Variants in HDX observed in about 807,000 individuals in gnomAD.
HDX encodes chromosome X open reading frame 43.
A neutral mutation model predicts 45.2 loss-of-function variants in HDX; 19 were observed. The ratio of observed to expected loss-of-function variants is 0.42; its 90% CI spans 0.29 to 0.62. The LOEUF (loss-of-function observed/expected upper bound fraction) is 0.62, where lower values mean the gene tolerates loss of function less well. Among genes scored for constraint, HDX ranks in the 20% least tolerant of loss-of-function variants. The pLI is 0.20. For synonymous variants in HDX, 188 were observed against 172.8 expected (o/e 1.09, Z -0.69); for missense variants, 532 against 493.9 (o/e 1.08, Z -0.73).
intron 2 of HDX, among the ~76,000 whole-genome samples, chrX:84,476,941 T>C (rs1265683137): frequency 8.9e-6 from 1 of 112,035 alleles, no homozygotes; most frequent in Non-Finnish European, 1.9e-5. Flanking sequence ...AAGCAAAGAC[T>C]TCTACTGACT....
chrX:84,422,015 C>CAA (rs757231418), intron 5 of HDX, among the ~76,000 whole-genome samples: 4 of 87,581 alleles, frequency 4.6e-5, no homozygotes, highest in African/African-American at 1.3e-4. Context: ...AAGGAACCAA[C>CAA]AAAAAAAAAA....
intron 5 of HDX, among the ~76,000 whole-genome samples, chrX:84,400,049 G>A (rs777297260): frequency 9.0e-6 from 1 of 111,128 alleles, no homozygotes; most frequent in East Asian, 2.9e-4. Context: ...ACTAGGTATT[G>A]ATGGAATATA....
At chrX:84,334,035 G>A (rs1292677749) in intron 8 of HDX, among the ~76,000 whole-genome samples, 193 bp from the exon 9 acceptor site, 2 of 110,724 alleles carry the variant, frequency 1.8e-5, no homozygotes, top group Admixed American at 1.9e-4. Flanking sequence ...TTTAACTGAT[G>A]ACTGCTTGTT....
At chrX:84,329,292 GA>G (rs1035977440) in intron 9 of HDX, among the ~76,000 whole-genome samples, 5 of 111,899 alleles carry the variant, frequency 4.5e-5, no homozygotes, top group African/African-American at 1.6e-4. Flanking sequence ...CTTTGGCCAA[GA>G]GGGGGGGTTC....
chrX:84,493,358 T>G (rs1278526528), intron 1 of HDX, among the ~76,000 whole-genome samples: 1 of 111,886 alleles, frequency 8.9e-6, no homozygotes, highest in Non-Finnish European at 1.9e-5. Context: ...GAGATTTTAA[T>G]AAAAACTTAT....
intron 5 of HDX, among the ~76,000 whole-genome samples, chrX:84,391,689 TGTTA>T (rs751097259): frequency 8.9e-5 from 10 of 111,963 alleles, no homozygotes; most frequent in Non-Finnish European, 1.5e-4. Context: ...TGCATTTCTT[TGTTA>T]GTTAGGAATG....
chrX:84,463,508 A>G (rs1396562800), intron 4 of HDX, among the ~76,000 whole-genome samples: 1 of 111,630 alleles, frequency 9.0e-6, no homozygotes, highest in Non-Finnish European at 1.9e-5. Flanking sequence ...GAAGTTCACC[A>G]AAGTGCTTTA....
chrX:84,457,026 C>T (rs1393029306), intron 4 of HDX, among the ~76,000 whole-genome samples: 1 of 111,560 alleles, frequency 9.0e-6, no homozygotes, highest in African/African-American at 3.3e-5. Flanking sequence ...CCAAATAAAT[C>T]TAATAGTTAT....
intron 4 of HDX, among the ~76,000 whole-genome samples, chrX:84,462,848 T>C (rs755958995): frequency 9.0e-6 from 1 of 111,258 alleles, no homozygotes; most frequent in Non-Finnish European, 1.9e-5. Flanking sequence ...TCAGAAAACA[T>C]AATATGAAGT....
At chrX:84,376,774 C>T (rs28790976) in intron 5 of HDX, among the ~76,000 whole-genome samples, 10,370 of 111,978 alleles carry the variant, frequency 0.093, 704 homozygotes, top group African/African-American at 0.24. Flanking sequence ...TGACTCTAGT[C>T]CCAGATTCCT....
At chrX:84,365,625 C>T (rs1160497785) in intron 5 of HDX, among the ~76,000 whole-genome samples, 2 of 111,183 alleles carry the variant, frequency 1.8e-5, no homozygotes, top group African/African-American at 6.5e-5. Context: ...GTGTTTGGTG[C>T]CCATGATATA....
intron 4 of HDX, among the ~76,000 whole-genome samples, chrX:84,445,505 T>G (rs776562775): frequency 9.0e-6 from 1 of 110,922 alleles, no homozygotes; most frequent in East Asian, 2.8e-4. Context: ...ACTGATTGAC[T>G]AATTGAATTA....
chrX:84,424,312 A>G (rs1485985410), intron 5 of HDX, among the ~76,000 whole-genome samples: 1 of 111,306 alleles, frequency 9.0e-6, no homozygotes, highest in Non-Finnish European at 1.9e-5. Context: ...AAGACAATGG[A>G]GAGGACACCA....
At chrX:84,336,372 A>G (rs2036962427) in intron 8 of HDX, among the ~76,000 whole-genome samples, 1 of 111,291 alleles carries the variant, frequency 9.0e-6, no homozygotes, top group Non-Finnish European at 1.9e-5. Flanking sequence ...ATCAATAGGT[A>G]TGTTCTGAAT....
At position 84,424,953 on chromosome X, in the gene HDX, A is replaced by AC. The variant is rs1360528494; in HGVS notation, c.1305+15578_1305+15579insG. On this transcript the variant is annotated intron_variant, in intron 5 of 10. Transcript: ENST00000373177. ...GCACAAGGGGAGGAAACCAATGCAA[A>AC]AATGGACAAATGGAATCACATCAAG... is the stretch of plus-strand genomic sequence containing the variant. Among the ~76,000 whole-genome samples the AC allele has an allele frequency of 2.7e-5, 3 of 111,388 alleles. No individual in the cohort carries two copies. The Admixed American group carries it at 2.9e-4, about 11-fold the overall frequency.
chrX:84,412,248 C>G (rs770956520), intron 5 of HDX, among the ~76,000 whole-genome samples: 1 of 111,341 alleles, frequency 9.0e-6, no homozygotes, highest in Admixed American at 9.6e-5. Context: ...AGTTGCTTTA[C>G]AGTGTCAATG....
intron 1 of HDX, among the ~76,000 whole-genome samples, chrX:84,495,282 A>G (rs2040977607): frequency 9.0e-6 from 1 of 111,659 alleles, no homozygotes; most frequent in Admixed American, 9.6e-5. Context: ...TCTATTGTAT[A>G]ACATGGTGAC....
At chrX:84,476,007 C>T (rs1174057160) in intron 2 of HDX, among the ~76,000 whole-genome samples, 3 of 111,745 alleles carry the variant, frequency 2.7e-5, no homozygotes, top group Non-Finnish European at 3.8e-5. Flanking sequence ...ATAAACATAG[C>T]ATATACATAA....
intron 5 of HDX, among the ~76,000 whole-genome samples, chrX:84,430,684 A>AT (rs34140119): frequency 0.4 from 42,285 of 104,544 alleles, 7,044 homozygotes; most frequent in Middle Eastern, 0.56. Context: ...AGTATTTGTG[A>AT]TTTTTTTTTT....
Sources: gnomAD v4.1 joint callset for allele counts (sites outside exome capture counted in the v4.1 genomes callset) on GRCh38, gnomAD v4.1.1 for gene constraint, MANE v1.5 for transcripts, NCBI Gene and HGNC (gene_info 2026-07-23, HGNC 2026-07-21) for gene names.